UST: variants seen among roughly 807,000 people sequenced by gnomAD.
UST encodes the protein chondroitin sulfate 2-O-sulfotransferase.
Under a neutral mutation model 45.6 loss-of-function variants are expected in UST, and 21 were observed. The observed-to-expected ratio is 0.46, with a 90% CI of 0.33 to 0.66. The LOEUF (loss-of-function observed/expected upper bound fraction) is 0.66. Ranked by LOEUF, UST falls within the 30% of genes least tolerant of loss-of-function variation. The pLI is 0.02. For synonymous variants in UST, 215 were observed against 200.6 expected, an observed-to-expected ratio of 1.07 and a Z score of -0.61; for missense variants, 463 against 512.4, an observed-to-expected ratio of 0.90 and a Z score of 0.93.
chr6:148,901,227 T>C (rs1038088784), intron 2 of UST, among the ~76,000 whole-genome samples: 1 of 152,234 alleles, frequency 6.6e-6, no homozygotes, highest in African/African-American at 2.4e-5. Context: ...TCTGAAATAC[T>C]GCATTTCTGA....
Position 149,074,272 on chromosome 6 carries a change from CG to C in UST, c.*159del, listed in dbSNP as rs1776859072. ...GGTCATTGGGAGATGCCCGGTTTTG[CG>C]GGTTTTATTTGTTTAATTTTATTCT... On this transcript the variant is annotated 3_prime_UTR_variant, in exon 8 of 8. Transcript: ENST00000367463. 5 of 814,056 alleles carry C rather than the reference CG, an allele frequency of 6.1e-6. No homozygotes were observed. The Admixed American group carries it at 8.7e-5, about 14-fold the overall frequency. 50.4% of individuals were successfully genotyped at this position (814,056 alleles called of 1,614,324 possible). A position where few individuals can be genotyped will look rare whatever the true frequency, so the allele number is the denominator to read the frequency against.
chr6:148,885,539 A>C (rs1161505068), intron 1 of UST, among the ~76,000 whole-genome samples: 2 of 152,228 alleles, frequency 1.3e-5, no homozygotes, highest in African/African-American at 4.8e-5. Context: ...AAATAGCCCA[A>C]TCATGGGCAT....
chr6:148,749,034 AAAT>A (rs1449679884), intron 1 of UST, among the ~76,000 whole-genome samples: 2 of 152,224 alleles, frequency 1.3e-5, no homozygotes, highest in African/African-American at 4.8e-5. Flanking sequence ...GATGTGGATA[AAAT>A]AATATTCTTT....
At chr6:149,019,942 A>G (rs1051475217) in intron 6 of UST, among the ~76,000 whole-genome samples, 1 of 152,168 alleles carries the variant, frequency 6.6e-6, no homozygotes, top group African/African-American at 2.4e-5. Flanking sequence ...GTTGAAATCT[A>G]CTGTGCTAGA....
Position 148,747,789 on chromosome 6 carries a change from G to C in UST, c.247+112G>C, listed in dbSNP as rs1012229630. 2.4e-5 allele frequency: 33 copies of C among 1,363,978 alleles called. No homozygotes were observed. The African/African-American group carries it at 4.1e-4, about 17-fold the overall frequency. 84.5% of individuals were successfully genotyped at this position (1,363,978 alleles called of 1,614,324 possible). ...TGCCACCGCGCGCCGCCGCCGCCCC[G>C]GGTCTCTCCAGGTGCTAAGCCCGTG... On this transcript the variant is annotated intron_variant, in intron 1 of 7. Transcript: ENST00000367463.
At chr6:149,002,055 C>T (rs895292763) in intron 5 of UST, among the ~76,000 whole-genome samples, 1 of 151,922 alleles carries the variant, frequency 6.6e-6, no homozygotes, top group African/African-American at 2.4e-5. Context: ...TTTGCCCTTC[C>T]TCAGACTCTC....
intron 1 of UST, among the ~76,000 whole-genome samples, chr6:148,838,938 A>G (rs1215624710): frequency 6.6e-6 from 1 of 152,176 alleles, no homozygotes; most frequent in Non-Finnish European, 1.5e-5. Flanking sequence ...CTGAATAGGT[A>G]TATGCCCCCA....
rs541119636 is a variant in UST at position 149,076,732 on chromosome 6, T to C, written c.*2616T>C. On this transcript the variant is annotated 3_prime_UTR_variant, in exon 8 of 8. Transcript: ENST00000367463. Reference sequence around the variant, plus strand: ...TGACTGTCTTATTTATTATAACCTTTCAGCACATTCCAAGGTTTTAGTTAC... The same window carrying C: ...TGACTGTCTTATTTATTATAACCTTCCAGCACATTCCAAGGTTTTAGTTAC... The C allele has an allele frequency of 1.3e-5, 2 of 152,794 alleles. No individual in the cohort carries two copies. The highest frequency in any genetic ancestry group is 2.9e-5 in the Non-Finnish European group (2 of 68,028). 9.5% of individuals were successfully genotyped at this position (152,794 alleles called of 1,614,324 possible). A position where few individuals can be genotyped will look rare whatever the true frequency, so the allele number is the denominator to read the frequency against.
At chr6:148,840,596 A>G (rs959563890) in intron 1 of UST, among the ~76,000 whole-genome samples, 1 of 152,080 alleles carries the variant, frequency 6.6e-6, no homozygotes, top group Non-Finnish European at 1.5e-5. Context: ...ACTCTGAGGG[A>G]CCTGTGGATA....
At chr6:148,806,216 T>G (rs1248704307) in intron 1 of UST, among the ~76,000 whole-genome samples, 1 of 152,226 alleles carries the variant, frequency 6.6e-6, no homozygotes, top group Admixed American at 6.5e-5. Context: ...GATTCACCTT[T>G]TGGTTGTTGT....
At chr6:149,056,403 G>T (rs1027585361) in intron 7 of UST, among the ~76,000 whole-genome samples, 1 of 152,042 alleles carries the variant, frequency 6.6e-6, no homozygotes, top group African/African-American at 2.4e-5. Context: ...CACCGCACCC[G>T]GCCTACCCCT....
intron 1 of UST, among the ~76,000 whole-genome samples, chr6:148,817,130 C>T (rs1016379948): frequency 1.1e-4 from 17 of 148,262 alleles, no homozygotes; most frequent in Admixed American, 9.3e-4. Context: ...CTTTCAGAAA[C>T]CCCTTTCCAG....
intron 1 of UST, among the ~76,000 whole-genome samples, chr6:148,797,478 G>A (rs2114711926): frequency 6.6e-6 from 1 of 152,288 alleles, no homozygotes. Context: ...GATTTATTCA[G>A]CAAGCTTTTA....
intron 1 of UST, among the ~76,000 whole-genome samples, chr6:148,811,305 A>G (rs1368613917): frequency 6.6e-6 from 1 of 152,178 alleles, no homozygotes; most frequent in Non-Finnish European, 1.5e-5. Flanking sequence ...CCTGGGTATT[A>G]TGAGAGTGGA....
chr6:148,759,847 CA>C (rs71554421), intron 1 of UST, among the ~76,000 whole-genome samples: 7,308 of 59,030 alleles, frequency 0.12, 150 homozygotes, highest in East Asian at 0.41. Context: ...GACTCTGTCT[CA>C]AAAAAAAAAA....
intron 7 of UST, chr6:149,032,696 CTCT>C (rs1776166353): frequency 1.3e-5 from 2 of 152,490 alleles, no homozygotes; most frequent in African/African-American, 4.8e-5. Flanking sequence ...GGAAATTCAT[CTCT>C]TCTGGGTCCC....
chr6:148,800,250 A>G (rs1222999300), intron 1 of UST, among the ~76,000 whole-genome samples: 3 of 152,212 alleles, frequency 2.0e-5, no homozygotes, highest in Admixed American at 6.5e-5. Flanking sequence ...AGCCAGCCTC[A>G]TAAGGATTTT....
chr6:148,860,908 T>C (rs137986280), intron 1 of UST, among the ~76,000 whole-genome samples: 2,039 of 152,336 alleles, frequency 0.013, 29 homozygotes, highest in Admixed American at 0.025. Context: ...CAGTATTTTA[T>C]TGAGGATTTT....
chr6:148,943,890 A>G (rs867084350), intron 3 of UST, among the ~76,000 whole-genome samples: 1 of 152,246 alleles, frequency 6.6e-6, no homozygotes, highest in African/African-American at 2.4e-5. Flanking sequence ...GAAAACAAAC[A>G]TAATAACAGT....
Sources: gnomAD v4.1 joint callset for allele counts (sites outside exome capture counted in the v4.1 genomes callset) on GRCh38, gnomAD v4.1.1 for gene constraint, MANE v1.5 for transcripts, NCBI Gene and HGNC (gene_info 2026-07-23, HGNC 2026-07-21) for gene names.